Variants in IRAG2 observed in about 807,000 individuals in gnomAD.
The protein encoded by IRAG2 is inositol 1,4,5-triphosphate receptor associated 2, also known as lymphoid restricted membrane protein.
Under a neutral mutation model 69.9 loss-of-function variants are expected in IRAG2, and 45 were observed. The observed-to-expected ratio is 0.64, with a 90% CI of 0.51 to 0.83. The LOEUF (loss-of-function observed/expected upper bound fraction) is 0.83. Ranked by LOEUF, IRAG2 falls within the 40% of genes least tolerant of loss-of-function variation. IRAG2 has a pLI of 0.00. For synonymous variants in IRAG2, 193 were observed against 202.4 expected, an observed-to-expected ratio of 0.95 and a Z score of 0.40; for missense variants, 520 against 587.0, an observed-to-expected ratio of 0.89 and a Z score of 1.18.
intron 10 of IRAG2, among the ~76,000 whole-genome samples, chr12:25,031,352 T>TGCCA (rs1944666029): frequency 6.6e-6 from 1 of 152,194 alleles, no homozygotes; most frequent in South Asian, 2.1e-4. Context: ...ATCTCCCATG[T>TGCCA]GCCAGCCACC....
chr12:25,033,433 A>G (rs1251719774), intron 12 of IRAG2, among the ~76,000 whole-genome samples: 1 of 152,260 alleles, frequency 6.6e-6, no homozygotes, highest in Non-Finnish European at 1.5e-5. Context: ...CATCTACATT[A>G]TGCAAATGGA....
intron 2 of IRAG2, among the ~76,000 whole-genome samples, chr12:25,005,854 C>T (rs1591920878): frequency 6.6e-6 from 1 of 152,004 alleles, no homozygotes; most frequent in Non-Finnish European, 1.5e-5. Flanking sequence ...TAATAAGTTC[C>T]CAAAAGCAAT....
chr12:25,051,384 A>G (rs774079921), upstream of IRAG2, among the ~76,000 whole-genome samples: 1 of 152,242 alleles, frequency 6.6e-6, no homozygotes, highest in East Asian at 1.9e-4. Flanking sequence ...TTTGAGAGGC[A>G]TGCACAAGGC....
Position 25,023,863 on chromosome 12 carries a change from TGAATTAGGAGACA to T in IRAG2, c.1333-4_1341del. On this transcript the variant is annotated splice_acceptor_variant and splice_polypyrimidine_tract_variant and coding_sequence_variant and intron_variant, in exon 8 of 39. Transcript: ENST00000636465. LOFTEE classifies it high-confidence loss of function. ...TATATTTTAATTATTTTTCTCACAA[TGAATTAGGAGACA>T]GAAAACCGGGCTCTGATTCTTAAGA... is the stretch of plus-strand genomic sequence containing the variant. 2.5e-6 allele frequency: 3 copies of T among 1,211,960 alleles called. No homozygotes were observed. Among genetic ancestry groups the T allele is most frequent in the Non-Finnish European group, 3.1e-6 (3 of 969,628 alleles). 75.1% of individuals were successfully genotyped at this position (1,211,960 alleles called of 1,614,324 possible).
At chr12:25,063,898 A>G (rs1464937851) in intron 4 of IRAG2, 82 bp downstream of exon 4, 3 of 398,440 alleles carry the variant, frequency 7.5e-6, no homozygotes, top group Non-Finnish European at 1.3e-5. Flanking sequence ...TTATTATTAC[A>G]TTTGTATAGG....
intron 15 of IRAG2, among the ~76,000 whole-genome samples, chr12:25,100,688 A>G (rs1230271452): frequency 6.6e-6 from 1 of 152,180 alleles, no homozygotes; most frequent in Non-Finnish European, 1.5e-5. Flanking sequence ...TCCATCATCA[A>G]CTATCTGTTC....
chr12:25,028,506 A>G (rs1944642669), intron 9 of IRAG2, among the ~76,000 whole-genome samples: 2 of 152,204 alleles, frequency 1.3e-5, no homozygotes, highest in East Asian at 3.8e-4. Flanking sequence ...TCTTAATGCT[A>G]AAAATGAGGA....
chr12:25,083,174 T>A (rs1193324522), intron 9 of IRAG2, among the ~76,000 whole-genome samples: 3 of 152,216 alleles, frequency 2.0e-5, no homozygotes, highest in Admixed American at 6.5e-5. Context: ...AAATGATTTT[T>A]AAAAAATCCT....
chr12:25,055,484 T>C (rs1283052673), intron 1 of IRAG2, among the ~76,000 whole-genome samples: 1 of 152,202 alleles, frequency 6.6e-6, no homozygotes, highest in African/African-American at 2.4e-5. Flanking sequence ...TATACTTATG[T>C]TCTAGGGTAC....
At chr12:25,028,726 TTTG>T (rs1944645023) in intron 9 of IRAG2, among the ~76,000 whole-genome samples, 1 of 152,218 alleles carries the variant, frequency 6.6e-6, no homozygotes, top group Admixed American at 6.5e-5. Context: ...TGAGAAATAT[TTTG>T]TTGTTGTATG....
upstream of IRAG2, among the ~76,000 whole-genome samples, chr12:25,050,572 GT>G (rs1944845445): frequency 6.9e-6 from 1 of 144,570 alleles, no homozygotes; most frequent in Non-Finnish European, 1.5e-5. Flanking sequence ...CAGTTACAGA[GT>G]TTTCTCAAAA....
Position 25,107,862 on chromosome 12 carries a change from C to T in IRAG2, c.1302C>T (p.Ile434=). 1 of 1,614,020 alleles carries T rather than the reference C, an allele frequency of 6.2e-7. No homozygotes were observed. The highest frequency in any genetic ancestry group is 8.5e-7 in the Non-Finnish European group (1 of 1,179,834). Residue 434 remains isoleucine, a synonymous_variant, in exon 22 of 22, where the codon ATC becomes ATT. Coordinates refer to ENST00000556887, the MANE Select transcript of IRAG2 (RefSeq NM_001366544.2). The part of the protein sequence containing the change: ...ASWATNLKSS[I]RKANKALWLS... ...GGGCAACAAATCTCAAGTCCTCCATCAGAAAGGCTAATAAGGCCCTCTGGC... is the reference window on the plus strand; with the variant it reads ...GGGCAACAAATCTCAAGTCCTCCATTAGAAAGGCTAATAAGGCCCTCTGGC...
At chr12:25,015,499 A>G in intron 5 of IRAG2, 1 of 989,236 alleles carries the variant, frequency 1.0e-6, no homozygotes, top group Non-Finnish European at 1.3e-6. Context: ...AAATCTACGT[A>G]TTTCAGTTAC....
intron 16 of IRAG2, among the ~76,000 whole-genome samples, chr12:25,040,112 CA>C: frequency 6.6e-6 from 1 of 152,206 alleles, no homozygotes. Context: ...TACTCCTTAT[CA>C]GCATAAGATG....
intron 1 of IRAG2, among the ~76,000 whole-genome samples, chr12:25,057,595 T>C (rs1945348076): frequency 6.6e-6 from 1 of 152,182 alleles, no homozygotes; most frequent in Admixed American, 6.5e-5. Context: ...TTAACCCTAT[T>C]TCTCTCATAA....
At chr12:25,066,255 G>A in intron 4 of IRAG2, 110 bp from the exon 5 acceptor site, 1 of 394,720 alleles carries the variant, frequency 2.5e-6, no homozygotes, top group Non-Finnish European at 4.5e-6. Context: ...GTGAATAGAA[G>A]CGGGTTAACT....
intron 14 of IRAG2, 87 bp from the exon 15 acceptor site, chr12:25,096,823 T>C (rs1948448628): frequency 1.5e-5 from 14 of 960,954 alleles, no homozygotes; most frequent in Non-Finnish European, 2.2e-5. Context: ...GATTAGAATG[T>C]CATCCACATT....
rs551363206 is a variant in IRAG2 at position 25,072,197 on chromosome 12, T to C, written c.24+2766T>C. Among the ~76,000 whole-genome samples the C allele has an allele frequency of 5.4e-5, 8 of 149,528 alleles. No individual in the cohort carries two copies. The South Asian group carries it at 1.7e-3, about 32-fold the overall frequency. On this transcript the variant is annotated intron_variant, in intron 6 of 21. Transcript: ENST00000556887. ...CCAGCTTGGGCGACAAGAGCGAAAC[T>C]CCATCTCAAAAGAAAAAAAAAGAAA...
At chr12:25,092,472 G>T (rs1299075101) in intron 14 of IRAG2, among the ~76,000 whole-genome samples, 1 of 151,418 alleles carries the variant, frequency 6.6e-6, no homozygotes, top group East Asian at 1.9e-4. Flanking sequence ...GGCTGAGGCA[G>T]GAGAATCGCT....
Sources: allele counts gnomAD v4.1 joint callset (sites outside exome capture counted in the v4.1 genomes callset), GRCh38; gene constraint gnomAD v4.1.1; transcripts MANE v1.5; gene names NCBI Gene and HGNC (gene_info 2026-07-23, HGNC 2026-07-21).